The following PPP6C variants were observed in gnomAD, a reference collection of about 807,000 sequenced individuals.
The protein encoded by PPP6C is protein phosphatase 6 catalytic subunit.
PPP6C carries 11 observed loss-of-function variants against 39.8 expected under a neutral mutation model. The observed-to-expected ratio is 0.28, with a 90% CI of 0.17 to 0.46. PPP6C has a LOEUF of 0.46. Among genes scored for constraint, PPP6C ranks in the 20% least tolerant of loss-of-function variants. PPP6C has a pLI of 1.00. For missense variants in PPP6C, 211 were observed against 373.9 expected, an observed-to-expected ratio of 0.56 and a Z score of 3.59; for synonymous variants, 129 against 130.3, an observed-to-expected ratio of 0.99 and a Z score of 0.07.
chr9:125,166,920 G>A (rs1422368930), intron 2 of PPP6C, among the ~76,000 whole-genome samples: 2 of 149,694 alleles, frequency 1.3e-5, no homozygotes, highest in Non-Finnish European at 3.0e-5. Flanking sequence ...TTTCTTTTTA[G>A]ATGGGGTCTC....
At chr9:125,185,349 A>G (rs1829503716) in intron 1 of PPP6C, among the ~76,000 whole-genome samples, 1 of 151,566 alleles carries the variant, frequency 6.6e-6, no homozygotes, top group African/African-American at 2.4e-5. Context: ...GGCTCAAGCA[A>G]TTCTCCTGCC....
chr9:125,189,617 A>C (rs1829619135), intron 1 of PPP6C, 27 bp downstream of exon 1: 10 of 1,611,872 alleles, frequency 6.2e-6, no homozygotes, highest in Non-Finnish European at 8.5e-6. Flanking sequence ...CACAGCCGGA[A>C]GGGGCGAGCC....
rs1051167434 is a variant in PPP6C, at chr9:125,153,804, T to G, written c.460-62A>C. The G allele has an allele frequency of 1.8e-5, 28 of 1,542,872 alleles. No homozygotes were observed. The Admixed American group carries it at 3.4e-4, about 19-fold the overall frequency. Reference sequence around the variant, plus strand: ...CCTCAGGCATATCTAAACTCATCAGTGAATACTAAAGATATCAATATAATT... The same window carrying G: ...CCTCAGGCATATCTAAACTCATCAGGGAATACTAAAGATATCAATATAATT... On this transcript the variant is annotated intron_variant, in intron 5 of 6. Coordinates refer to ENST00000373547, the MANE Select transcript of PPP6C (RefSeq NM_002721.5).
intron 6 of PPP6C, among the ~76,000 whole-genome samples, chr9:125,152,564 C>T (rs1186610102): frequency 3.9e-5 from 6 of 152,162 alleles, no homozygotes; most frequent in African/African-American, 1.4e-4. Context: ...GGCGCGGTGG[C>T]TCACGCCTGT....
intron 1 of PPP6C, among the ~76,000 whole-genome samples, chr9:125,183,398 G>C (rs1357952281): frequency 1.3e-5 from 2 of 152,086 alleles, no homozygotes; most frequent in Non-Finnish European, 2.9e-5. Context: ...TCATTATTTT[G>C]TCATATTCCT....
At chr9:125,183,824 C>G (rs1186707203) in intron 1 of PPP6C, among the ~76,000 whole-genome samples, 1 of 152,124 alleles carries the variant, frequency 6.6e-6, no homozygotes, top group East Asian at 1.9e-4. Context: ...TTGCCAACAC[C>G]CTGGTCAGCC....
At position 125,165,044 on chromosome 9, in the gene PPP6C, G is replaced by A. The variant is rs765756122; in HGVS notation, c.172-4138C>T. ...GAGCCACCGCGCCCGGCTGGGAAGT[G>A]GAATTTTTTTTTTTATCAGAGGCAA... On this transcript the variant is annotated intron_variant, in intron 2 of 6. Transcript: ENST00000373547. Among the ~76,000 whole-genome samples, 57 of 151,848 alleles carry A rather than the reference G, an allele frequency of 3.8e-4. 1 individual carries two copies. Among genetic ancestry groups the A allele is most frequent in the Non-Finnish European group, 4.1e-4 (28 of 67,946 alleles).
At position 125,148,990 on chromosome 9, in the gene PPP6C, C is replaced by A. The variant is rs900556928; in HGVS notation, c.*683G>T. On this transcript the variant is annotated 3_prime_UTR_variant, in exon 7 of 7. Coordinates refer to ENST00000373547, the MANE Select transcript of PPP6C (RefSeq NM_002721.5). Reference sequence around the variant, plus strand: ...CTGTTTAAAATTTCTAACACTTAACCTATCTGAGTTTTATTTAAGATTACT... The same window carrying A: ...CTGTTTAAAATTTCTAACACTTAACATATCTGAGTTTTATTTAAGATTACT... The A allele has an allele frequency of 6.6e-6, 1 of 151,938 alleles. No individual in the cohort carries two copies. Among genetic ancestry groups the A allele is most frequent in the African/African-American group, 2.4e-5 (1 of 41,392 alleles). The allele number at this position is 151,938 out of a possible 1,614,324, so 9.4% of individuals were successfully genotyped here. A position where few individuals can be genotyped will look rare whatever the true frequency, so the allele number is the denominator to read the frequency against.
chr9:125,171,272 T>G lies in PPP6C; in HGVS notation c.76-92A>C, dbSNP rs998376900. 8 of 977,152 alleles carry G rather than the reference T, an allele frequency of 8.2e-6. No individual in the cohort carries two copies. In the African/African-American group the frequency reaches 1.4e-4, roughly 17 times the overall value. The allele number at this position is 977,152 out of a possible 1,614,324, so 60.5% of individuals were successfully genotyped here. On this transcript the variant is annotated intron_variant, in intron 1 of 6. Transcript: ENST00000373547. ...AAAGAAAAATACCAGGTCTAATACT[T>G]ACAAAACCCAAGTATACTTTTTGAT...
chr9:125,189,266 G>A (rs1829607973), intron 1 of PPP6C, among the ~76,000 whole-genome samples: 2 of 152,242 alleles, frequency 1.3e-5, no homozygotes, highest in African/African-American at 4.8e-5. Context: ...CTCCGGTGGA[G>A]GCGACCCCAT....
chr9:125,171,456 CAT>C (rs1368528067), intron 1 of PPP6C, among the ~76,000 whole-genome samples: 22 of 77,958 alleles, frequency 2.8e-4, no homozygotes, highest in South Asian at 1.3e-3. Context: ...CACACACACA[CAT>C]ATACACACAC....
chr9:125,167,810 T>A (rs1407087754), intron 2 of PPP6C, among the ~76,000 whole-genome samples: 1 of 113,828 alleles, frequency 8.8e-6, no homozygotes, highest in Non-Finnish European at 1.7e-5. Context: ...GTGGATCACC[T>A]GAGGTCAGGA....
intron 1 of PPP6C, among the ~76,000 whole-genome samples, chr9:125,175,084 C>T (rs1829267028): frequency 6.6e-6 from 1 of 151,482 alleles, no homozygotes; most frequent in South Asian, 2.1e-4. Context: ...TGGCAGGGCG[C>T]TGGTAATCCT....
At chr9:125,179,226 G>A (rs867765956) in intron 1 of PPP6C, among the ~76,000 whole-genome samples, 1,083 of 90,628 alleles carry the variant, frequency 0.012, 7 homozygotes, top group East Asian at 0.025. Flanking sequence ...AAAAAAAAAA[G>A]AATTATCTGC....
chr9:125,164,344 A>G (rs1439774277), intron 2 of PPP6C, among the ~76,000 whole-genome samples: 1 of 146,906 alleles, frequency 6.8e-6, no homozygotes, highest in Non-Finnish European at 1.5e-5. Flanking sequence ...CTCCTGCCTC[A>G]GCCTCCCAAG....
intron 1 of PPP6C, among the ~76,000 whole-genome samples, chr9:125,173,440 G>T (rs779762835): frequency 2.7e-5 from 4 of 149,040 alleles, no homozygotes; most frequent in African/African-American, 9.8e-5. Context: ...GTAGCCAGGC[G>T]TGGGGTGCAC....
chr9:125,186,641 T>C (rs911428572), intron 1 of PPP6C, among the ~76,000 whole-genome samples: 1 of 151,734 alleles, frequency 6.6e-6, no homozygotes, highest in Non-Finnish European at 1.5e-5. Context: ...TCCCAGCTTC[T>C]CAGGAGGCTA....
At chr9:125,186,289 C>T (rs1024002473) in intron 1 of PPP6C, among the ~76,000 whole-genome samples, 1 of 151,518 alleles carries the variant, frequency 6.6e-6, no homozygotes, top group African/African-American at 2.4e-5. Flanking sequence ...TGCCAAGAAA[C>T]AGAAAAAAAT....
intron 4 of PPP6C, among the ~76,000 whole-genome samples, chr9:125,157,406 A>G (rs1206135385): frequency 6.6e-6 from 1 of 152,180 alleles, no homozygotes; most frequent in Non-Finnish European, 1.5e-5. Context: ...CTAAAGTCCA[A>G]CGATAGAGGA....
Sources: allele counts gnomAD v4.1 joint callset (sites outside exome capture counted in the v4.1 genomes callset), GRCh38; gene constraint gnomAD v4.1.1; transcripts MANE v1.5; gene names NCBI Gene and HGNC (gene_info 2026-07-23, HGNC 2026-07-21).